CDH13: variants seen among roughly 807,000 people sequenced by gnomAD.
CDH13 encodes cadherin 13, also known as cadherin-13.
A neutral mutation model predicts 63.8 loss-of-function variants in CDH13; 24 were observed. The observed-to-expected ratio is 0.38, with a 90% CI of 0.27 to 0.53. CDH13 has a LOEUF of 0.53. CDH13 is among the 20% of genes least tolerant of loss of function. The pLI, the probability that CDH13 is intolerant of heterozygous loss-of-function variation, is 0.85. For missense variants in CDH13, 1,049 were observed against 903.1 expected (o/e 1.16, Z -2.07); for synonymous variants, 503 against 355.3 (o/e 1.42, Z -4.67).
chr16:83,516,873 G>A (rs1413212939), intron 7 of CDH13, among the ~76,000 whole-genome samples: 1 of 152,292 alleles, frequency 6.6e-6, no homozygotes, highest in East Asian at 1.9e-4. Flanking sequence ...AGCAAGGAGT[G>A]CTCCCTGGAG....
chr16:83,449,425 C>T (rs142336835), intron 6 of CDH13, among the ~76,000 whole-genome samples: 2,904 of 152,286 alleles, frequency 0.019, 29 homozygotes, highest in Middle Eastern at 0.034. Flanking sequence ...TTCGTCATGT[C>T]CTTCAGGGCC....
intron 10 of CDH13, among the ~76,000 whole-genome samples, chr16:83,732,110 A>G (rs396344): frequency 0.99 from 151,382 of 152,322 alleles, 75,232 homozygotes; most frequent in Middle Eastern, 1. Context: ...AGCAGTGAAC[A>G]AGACAGTGTG....
At chr16:82,874,892 G>C (rs1213135419) in intron 2 of CDH13, among the ~76,000 whole-genome samples, 3 of 152,160 alleles carry the variant, frequency 2.0e-5, no homozygotes, top group Non-Finnish European at 4.4e-5. Context: ...ACTGAACTTA[G>C]AGGGCAGTTG....
intron 7 of CDH13, among the ~76,000 whole-genome samples, chr16:83,499,583 A>G (rs2074223974): frequency 6.6e-6 from 1 of 152,258 alleles, no homozygotes. Flanking sequence ...CCTTATCATA[A>G]TATGGAGAAC....
In CDH13 at chr16:83,706,544, A is replaced by T. The variant is rs572537872; in HGVS notation, c.1538+28083A>T. On this transcript the variant is annotated intron_variant, in intron 10 of 13. Transcript: ENST00000567109. ...CTTCATTGCTCATTAGCTCTGTGGCATGGGGAAATCAGTGAACCCTTTACT... is the reference window on the plus strand; with the variant it reads ...CTTCATTGCTCATTAGCTCTGTGGCTTGGGGAAATCAGTGAACCCTTTACT... 1.6e-3 allele frequency among the ~76,000 whole-genome samples: 248 copies of T among 152,316 alleles called. 2 individuals carry two copies. Among genetic ancestry groups the T allele is most frequent in the African/African-American group, 5.7e-3 (239 of 41,574 alleles).
intron 4 of CDH13, among the ~76,000 whole-genome samples, chr16:83,184,086 T>C (rs2038433199): frequency 1.2e-5 from 1 of 86,296 alleles, no homozygotes; most frequent in African/African-American, 4.6e-5. Context: ...CCTCTAGAGG[T>C]TAAACACACA....
chr16:82,904,480 T>C (rs2041577533), intron 2 of CDH13, among the ~76,000 whole-genome samples: 1 of 152,210 alleles, frequency 6.6e-6, no homozygotes, highest in African/African-American at 2.4e-5. Flanking sequence ...TCACCCTTTG[T>C]GGCAAATTGA....
intron 1 of CDH13, among the ~76,000 whole-genome samples, chr16:82,739,065 C>G (rs1240466708): frequency 1.3e-5 from 2 of 152,218 alleles, no homozygotes; most frequent in African/African-American, 4.8e-5. Context: ...CTCTTCCCCA[C>G]CCCTGGGAAC....
At chr16:83,532,513 G>A (rs77542825) in intron 7 of CDH13, among the ~76,000 whole-genome samples, 1,741 of 152,328 alleles carry the variant, frequency 0.011, 31 homozygotes, top group African/African-American at 0.04. Flanking sequence ...GCCACATGCG[G>A]GCTCTTTGCT....
chr16:83,458,017 G>A (rs1251986345), intron 6 of CDH13, among the ~76,000 whole-genome samples: 1 of 152,198 alleles, frequency 6.6e-6, no homozygotes, highest in Non-Finnish European at 1.5e-5. Flanking sequence ...GCAGCTCTGG[G>A]TCTCTTAAGA....
chr16:83,271,205 A>C (rs2151845915), intron 5 of CDH13, among the ~76,000 whole-genome samples: 1 of 152,086 alleles, frequency 6.6e-6, no homozygotes, highest in African/African-American at 2.4e-5. Flanking sequence ...CAAAGAAAAC[A>C]GTACAACTGA....
chr16:83,319,326 C>T (rs897446095), intron 5 of CDH13, among the ~76,000 whole-genome samples: 4 of 152,166 alleles, frequency 2.6e-5, no homozygotes, highest in East Asian at 1.9e-4. Flanking sequence ...GTTTATTCCT[C>T]GGTGTTTCTC....
chr16:83,257,721 A>G lies in CDH13; in HGVS notation c.636+40224A>G, dbSNP rs766366849. 2.6e-5 allele frequency among the ~76,000 whole-genome samples: 4 copies of G among 152,208 alleles called. 1 individual carries two copies. The highest frequency in any genetic ancestry group is 4.1e-4 in the South Asian group (2 of 4,828). Reference sequence around the variant, plus strand: ...CTTTGCTATTGTGAATAGTGCTGCAATGAACATACATGTGCATGTGTCTTT... The same window carrying G: ...CTTTGCTATTGTGAATAGTGCTGCAGTGAACATACATGTGCATGTGTCTTT... On this transcript the variant is annotated intron_variant, in intron 5 of 13. Transcript: ENST00000567109.
chr16:83,203,164 T>C (rs7199876), intron 4 of CDH13, among the ~76,000 whole-genome samples: 148,611 of 152,220 alleles, frequency 0.98, 72,609 homozygotes, highest in East Asian at 1. Flanking sequence ...GTGGAGGTTG[T>C]GGTGAGCTGA....
At chr16:83,505,988 G>A (rs999258822) in intron 7 of CDH13, among the ~76,000 whole-genome samples, 2 of 152,184 alleles carry the variant, frequency 1.3e-5, no homozygotes, top group Non-Finnish European at 2.9e-5. Context: ...GTCACAGGGA[G>A]TATTTACTTT....
intron 7 of CDH13, among the ~76,000 whole-genome samples, chr16:83,517,448 G>C (rs890854687): frequency 4.6e-5 from 7 of 152,204 alleles, no homozygotes; most frequent in Admixed American, 1.3e-4. Context: ...CAGGCTGACA[G>C]AGGCTCTGCC....
chr16:83,602,132 AAAAAAAAAAAACCC>A (rs1907895358), intron 7 of CDH13, among the ~76,000 whole-genome samples: 19 of 97,684 alleles, frequency 1.9e-4, no homozygotes, highest in African/African-American at 8.0e-4. Context: ...AAAAAAAAAA[AAAAAAAAAAAACCC>A]AAAGGACAAT....
chr16:82,797,119 T>G (rs1597616474), intron 1 of CDH13, among the ~76,000 whole-genome samples: 1 of 152,202 alleles, frequency 6.6e-6, no homozygotes, highest in African/African-American at 2.4e-5. Context: ...CTAGATGAAA[T>G]GAGGTTCTAG....
intron 4 of CDH13, among the ~76,000 whole-genome samples, chr16:83,194,800 C>G (rs1429240660): frequency 6.6e-6 from 1 of 152,160 alleles, no homozygotes; most frequent in Non-Finnish European, 1.5e-5. Context: ...TGTGGCAACA[C>G]TTTGTGACGG....
Sources: gnomAD v4.1 joint callset for allele counts (sites outside exome capture counted in the v4.1 genomes callset) on GRCh38, gnomAD v4.1.1 for gene constraint, MANE v1.5 for transcripts, NCBI Gene and HGNC (gene_info 2026-07-23, HGNC 2026-07-21) for gene names.